Variants in DYSF observed in about 807,000 individuals in gnomAD.
DYSF encodes the protein dysferlin, also known as dystrophy-associated fer-1-like 1.
Under a neutral mutation model 274.9 loss-of-function variants are expected in DYSF, and 212 were observed. That is an observed-to-expected ratio of 0.77 (90% CI 0.69 to 0.86). The LOEUF (loss-of-function observed/expected upper bound fraction) is 0.86, where lower values mean the gene tolerates loss of function less well. Among genes scored for constraint, DYSF ranks in the 40% least tolerant of loss-of-function variants. DYSF has a pLI of 0.00. For synonymous variants in DYSF, 1,091 were observed against 1,078.7 expected (o/e 1.01, Z -0.22); for missense variants, 2,666 against 2,783.2 (o/e 0.96, Z 0.95).
At chr2:71,560,855 G>C (rs1007319746) in intron 22 of DYSF, among the ~76,000 whole-genome samples, 4 of 152,152 alleles carry the variant, frequency 2.6e-5, no homozygotes, top group South Asian at 2.1e-4. Flanking sequence ...TGGGAGTCAA[G>C]GGGGTGAGGT....
intron 5 of DYSF, among the ~76,000 whole-genome samples, chr2:71,512,516 C>A (rs967832109): frequency 7.2e-5 from 11 of 152,314 alleles, no homozygotes; most frequent in African/African-American, 1.9e-4. Flanking sequence ...AGTGCTGTGC[C>A]TGTCTCAGCT....
intron 32 of DYSF, among the ~76,000 whole-genome samples, chr2:71,593,125 C>CT (rs35900869): frequency 0.23 from 20,123 of 85,838 alleles, 2,796 homozygotes; most frequent in East Asian, 0.35. Context: ...TCAGTGACTT[C>CT]TTTTTTTTTT....
chr2:71,651,417 A>C (rs1027793644), intron 42 of DYSF, among the ~76,000 whole-genome samples: 45 of 152,148 alleles, frequency 3.0e-4, no homozygotes, highest in African/African-American at 1.1e-3. Flanking sequence ...TTTCTATGTT[A>C]ATAGATTTGA....
chr2:71,518,423 T>G (rs1363086593), intron 10 of DYSF, among the ~76,000 whole-genome samples: 2 of 102,144 alleles, frequency 2.0e-5, no homozygotes, highest in East Asian at 2.8e-4. Flanking sequence ...CGCCTGGCAG[T>G]TTTTTTTTTT....
At chr2:71,535,493 C>A (rs1265979768) in intron 16 of DYSF, among the ~76,000 whole-genome samples, 182 bp downstream of exon 16, 2 of 151,988 alleles carry the variant, frequency 1.3e-5, no homozygotes, top group Admixed American at 6.5e-5. Flanking sequence ...AGCTTACTCA[C>A]ACCTGCTTGT....
At chr2:71,481,627 C>G (rs2082906900) in intron 2 of DYSF, among the ~76,000 whole-genome samples, 1 of 152,182 alleles carries the variant, frequency 6.6e-6, no homozygotes, top group African/African-American at 2.4e-5. Context: ...TGAAAGACCT[C>G]TCTCCTCTCT....
At chr2:71,528,212 G>T in intron 13 of DYSF, 86 bp from the exon 14 acceptor site, 1 of 1,237,370 alleles carries the variant, frequency 8.1e-7, no homozygotes, top group Non-Finnish European at 1.2e-6. Flanking sequence ...GGTAGTCCCA[G>T]GACTGCCTGG....
chr2:71,528,398 A>G lies in DYSF; in HGVS notation c.1377A>G (p.Lys459=). The G allele has an allele frequency of 6.2e-7, 1 of 1,613,636 alleles. No homozygotes were observed. Among genetic ancestry groups the G allele is most frequent in the Non-Finnish European group, 8.5e-7 (1 of 1,179,682 alleles). ...TTGTGGAGGTCAGCTTTGCGGGGAA[A>G]ATGGTAAGGAGCAAGGGAGCAGGAG... ...DPFVEVSFAG[K]MLCSKILEKT... Residue 459 remains lysine, a synonymous_variant, in exon 14 of 56, where the codon AAA becomes AAG. Coordinates refer to ENST00000410020, the MANE Select transcript of DYSF (RefSeq NM_001130987.2).
chr2:71,613,500 C>T, intron 40 of DYSF, 90 bp downstream of exon 40: 8 of 1,123,352 alleles, frequency 7.1e-6, no homozygotes, highest in Non-Finnish European at 9.3e-6. Flanking sequence ...CCTTCATTAT[C>T]ACACAGCCTC....
intron 17 of DYSF, 39 bp from the exon 18 acceptor site, chr2:71,551,002 A>G: frequency 6.3e-7 from 1 of 1,594,638 alleles, no homozygotes; most frequent in African/African-American, 1.3e-5. Context: ...GGGAAGCCCC[A>G]CTGGGCCGAC....
At chr2:71,680,635 C>CCGAA (rs1471621699) in intron 53 of DYSF, among the ~76,000 whole-genome samples, 1 of 152,140 alleles carries the variant, frequency 6.6e-6, no homozygotes, top group East Asian at 1.9e-4. Flanking sequence ...TCATTAAAAA[C>CCGAA]CGAACTTTAA....
chr2:71,586,626 A>C (rs1246019889), intron 30 of DYSF, among the ~76,000 whole-genome samples: 1 of 152,126 alleles, frequency 6.6e-6, no homozygotes, highest in African/African-American at 2.4e-5. Flanking sequence ...GCCCTTGGAC[A>C]GAGACCCAGA....
At chr2:71,549,479 T>C in intron 17 of DYSF, 4 of 1,327,416 alleles carry the variant, frequency 3.0e-6, no homozygotes, top group Non-Finnish European at 2.1e-6. Context: ...CATGGGGTTT[T>C]TGATTTGCCT....
chr2:71,555,814 C>A (rs1235343642), intron 21 of DYSF, 151 bp from the exon 22 acceptor site: 2 of 693,546 alleles, frequency 2.9e-6, no homozygotes, highest in East Asian at 2.8e-5. Flanking sequence ...CCAGGATAGA[C>A]CCTGGTTTGT....
At position 71,556,080 on chromosome 2, in the gene DYSF, G is replaced by T. The variant is rs1040115070; in HGVS notation, c.2216+9G>T. The T allele has an allele frequency of 1.3e-6, 2 of 1,557,258 alleles. No homozygotes were observed. Among genetic ancestry groups the T allele is most frequent in the Admixed American group, 1.9e-5 (1 of 51,500 alleles). ...CTCATCGCAGGCTGCAGGTAGGGGGGACCTGGCGCCCCTGGTGCCCACCTC... is the reference window on the plus strand; with the variant it reads ...CTCATCGCAGGCTGCAGGTAGGGGGTACCTGGCGCCCCTGGTGCCCACCTC... On this transcript the variant is annotated intron_variant, in intron 22 of 55. Transcript: ENST00000410020.
At chr2:71,509,206 C>T (rs1278321188) in intron 4 of DYSF, among the ~76,000 whole-genome samples, 1 of 150,932 alleles carries the variant, frequency 6.6e-6, no homozygotes, top group Non-Finnish European at 1.5e-5. Context: ...TTCTGTTGCC[C>T]AGCTGGAATG....
chr2:71,528,429 T>C, intron 14 of DYSF, 28 bp downstream of exon 14: 1 of 1,593,056 alleles, frequency 6.3e-7, no homozygotes, highest in Non-Finnish European at 8.6e-7. Flanking sequence ...AGGAGGGTTC[T>C]CTCGGGAGGG....
At chr2:71,499,323 T>A (rs1267201811) in intron 3 of DYSF, among the ~76,000 whole-genome samples, 1 of 152,238 alleles carries the variant, frequency 6.6e-6, no homozygotes, top group Non-Finnish European at 1.5e-5. Context: ...CCATTATTGT[T>A]ATAGCTGTCT....
At position 71,542,377 on chromosome 2, in the gene DYSF, C is replaced by CT. The variant is rs35710396; in HGVS notation, c.1576+3153dup. Among the ~76,000 whole-genome samples, 379 of 142,150 alleles carry CT rather than the reference C, an allele frequency of 2.7e-3. 1 individual carries two copies. Among genetic ancestry groups the CT allele is most frequent in the East Asian group, 0.014 (64 of 4,732 alleles). The allele number at this position is 142,150 out of a possible 152,430, so 93.3% of individuals were successfully genotyped here. On this transcript the variant is annotated intron_variant, in intron 17 of 55. Coordinates refer to ENST00000410020, the MANE Select transcript of DYSF (RefSeq NM_001130987.2). Reference sequence around the variant, plus strand: ...CATTTGTAGTTTCTTGTCAAGCCTTCTTTTTTTTTTTTTTTATTGATCATT... The same window carrying CT: ...CATTTGTAGTTTCTTGTCAAGCCTTCTTTTTTTTTTTTTTTTATTGATCATT...
Sources: allele counts gnomAD v4.1 joint callset (sites outside exome capture counted in the v4.1 genomes callset), GRCh38; gene constraint gnomAD v4.1.1; transcripts MANE v1.5; gene names NCBI Gene and HGNC (gene_info 2026-07-23, HGNC 2026-07-21).